Variants in PTPRD observed in about 807,000 individuals in gnomAD.
PTPRD encodes receptor-type tyrosine-protein phosphatase delta.
PTPRD carries 34 observed loss-of-function variants against 214.5 expected under a neutral mutation model. That is an observed-to-expected ratio of 0.16 (90% CI 0.12 to 0.21). The LOEUF (loss-of-function observed/expected upper bound fraction) is 0.21, where lower values mean the gene tolerates loss of function less well. Among genes scored for constraint, PTPRD ranks in the 10% least tolerant of loss-of-function variants. The pLI, the probability that PTPRD is intolerant of heterozygous loss-of-function variation, is 1.00. For synonymous variants in PTPRD, 1,128 were observed against 845.7 expected, an observed-to-expected ratio of 1.33 and a Z score of -5.79; for missense variants, 2,545 against 2,398.7, an observed-to-expected ratio of 1.06 and a Z score of -1.27.
intron 39 of PTPRD, among the ~76,000 whole-genome samples, chr9:8,366,824 T>C (rs894818333): frequency 1.3e-5 from 2 of 152,180 alleles, no homozygotes; most frequent in Non-Finnish European, 2.9e-5. Flanking sequence ...ACTAATATCA[T>C]AGCACAAAAG....
chr9:8,514,726 A>G (rs936198824), intron 21 of PTPRD, among the ~76,000 whole-genome samples: 1 of 152,148 alleles, frequency 6.6e-6, no homozygotes, highest in Non-Finnish European at 1.5e-5. Flanking sequence ...AAACTATCAC[A>G]TTAAGCAAAT....
At chr9:9,841,270 C>A (rs1328418499) in intron 5 of PTPRD, among the ~76,000 whole-genome samples, 1 of 151,988 alleles carries the variant, frequency 6.6e-6, no homozygotes, top group African/African-American at 2.4e-5. Context: ...AAGTATAATA[C>A]ACACACAAAA....
chr9:10,546,595 T>C (rs1808927857), intron 2 of PTPRD, among the ~76,000 whole-genome samples: 1 of 152,018 alleles, frequency 6.6e-6, no homozygotes, highest in African/African-American at 2.4e-5. Context: ...TGGTACTAAT[T>C]GACACAATTT....
At chr9:8,731,847 C>T (rs1247862598) in intron 12 of PTPRD, among the ~76,000 whole-genome samples, 1 of 152,206 alleles carries the variant, frequency 6.6e-6, no homozygotes. Context: ...TACATGGAGG[C>T]TGATTAGACA....
chr9:8,317,500 A>G lies in PTPRD; in HGVS notation c.*374T>C, dbSNP rs2130404645. ...TCATTGTGAGAAGCCACACCAGCAC[A>G]TATCTTGTGCTGAACTGCAGCATTC... On this transcript the variant is annotated 3_prime_UTR_variant, in exon 46 of 46. Transcript: ENST00000381196. 3.9e-6 allele frequency: 1 copy of G among 255,406 alleles called. No homozygotes were observed. The allele number at this position is 255,406 out of a possible 1,614,324, so 15.8% of individuals were successfully genotyped here.
chr9:9,330,577 G>C (rs1383118414), intron 9 of PTPRD, among the ~76,000 whole-genome samples: 1 of 151,992 alleles, frequency 6.6e-6, no homozygotes, highest in African/African-American at 2.4e-5. Context: ...AGTCTGTTCA[G>C]TACATCTTTA....
At chr9:8,841,972 C>G (rs2097567626) in intron 11 of PTPRD, among the ~76,000 whole-genome samples, 1 of 150,882 alleles carries the variant, frequency 6.6e-6, no homozygotes, top group Non-Finnish European at 1.5e-5. Context: ...GATGGCCCCA[C>G]TGCACTCCAG....
At chr9:9,426,063 G>A (rs2080783463) in intron 8 of PTPRD, among the ~76,000 whole-genome samples, 3 of 152,088 alleles carry the variant, frequency 2.0e-5, no homozygotes, top group African/African-American at 7.2e-5. Context: ...AGTGGGTGCA[G>A]GACAGTGGAT....
chr9:10,356,088 G>T (rs2097271655), intron 2 of PTPRD, among the ~76,000 whole-genome samples: 2 of 150,516 alleles, frequency 1.3e-5, no homozygotes, highest in Non-Finnish European at 3.0e-5. Context: ...TTTTGAGGGA[G>T]CTTTAAATAA....
intron 3 of PTPRD, among the ~76,000 whole-genome samples, chr9:10,113,756 C>T (rs1395764970): frequency 6.6e-6 from 1 of 152,174 alleles, no homozygotes; most frequent in African/African-American, 2.4e-5. Flanking sequence ...TGGACAAAGT[C>T]ACCTGGAGAT....
chr9:9,504,252 T>C (rs886302522), intron 8 of PTPRD, among the ~76,000 whole-genome samples: 1 of 151,794 alleles, frequency 6.6e-6, no homozygotes, highest in African/African-American at 2.4e-5. Context: ...GTTTTTGCTC[T>C]ATATTTCTAC....
At chr9:9,859,032 G>A (rs2062118127) in intron 5 of PTPRD, among the ~76,000 whole-genome samples, 1 of 152,144 alleles carries the variant, frequency 6.6e-6, no homozygotes, top group African/African-American at 2.4e-5. Context: ...GTGATTGGAT[G>A]ATGAGGGCAG....
At chr9:9,899,919 G>A (rs1475337627) in intron 5 of PTPRD, among the ~76,000 whole-genome samples, 1 of 152,262 alleles carries the variant, frequency 6.6e-6, no homozygotes, top group East Asian at 1.9e-4. Context: ...AAGATACTAT[G>A]TTAGGTGAAA....
intron 9 of PTPRD, among the ~76,000 whole-genome samples, chr9:9,229,782 A>T (rs1035316514): frequency 6.6e-6 from 1 of 152,178 alleles, no homozygotes; most frequent in Admixed American, 6.6e-5. Context: ...AGGCTATAGA[A>T]TTGAAGAGCA....
At chr9:8,554,998 T>C (rs1593587694) in intron 14 of PTPRD, among the ~76,000 whole-genome samples, 1 of 149,432 alleles carries the variant, frequency 6.7e-6, no homozygotes, top group South Asian at 2.1e-4. Context: ...ACTATATATA[T>C]AAAAAATTGT....
intron 5 of PTPRD, among the ~76,000 whole-genome samples, chr9:9,810,633 A>T (rs937266777): frequency 6.6e-6 from 1 of 152,086 alleles, no homozygotes; most frequent in African/African-American, 2.4e-5. Flanking sequence ...GATTTCGTTT[A>T]AAATACTATT....
intron 2 of PTPRD, among the ~76,000 whole-genome samples, chr9:10,353,030 T>C (rs907859819): frequency 2.0e-5 from 3 of 152,018 alleles, no homozygotes; most frequent in Admixed American, 6.6e-5. Context: ...GCAAGGTATA[T>C]ATGGTAATTT....
At chr9:10,178,542 C>T (rs761658141) in intron 3 of PTPRD, among the ~76,000 whole-genome samples, 7 of 151,814 alleles carry the variant, frequency 4.6e-5, no homozygotes, top group East Asian at 1.9e-4. Context: ...TGAGGAAATA[C>T]GGATTTCAAC....
chr9:9,634,374 T>A (rs1467977302), intron 7 of PTPRD, among the ~76,000 whole-genome samples: 3 of 152,182 alleles, frequency 2.0e-5, no homozygotes, highest in Non-Finnish European at 4.4e-5. Context: ...TCATTGTTAA[T>A]ATTAATTGCA....
Sources: gnomAD v4.1 joint callset for allele counts (sites outside exome capture counted in the v4.1 genomes callset) on GRCh38, gnomAD v4.1.1 for gene constraint, MANE v1.5 for transcripts, NCBI Gene and HGNC (gene_info 2026-07-23, HGNC 2026-07-21) for gene names.